Variants in EYA2 observed in about 807,000 individuals in gnomAD.
The protein encoded by EYA2 is protein phosphatase EYA2.
Under a neutral mutation model 69.2 loss-of-function variants are expected in EYA2, and 31 were observed. That is an observed-to-expected ratio of 0.45 (90% confidence interval 0.34 to 0.60). EYA2 has a LOEUF of 0.60. Among genes scored for constraint, EYA2 ranks in the 20% least tolerant of loss-of-function variants. The probability of loss-of-function intolerance (pLI) is 0.02; values close to 1 mark genes in which losing one functional copy is unlikely to be tolerated. For synonymous variants in EYA2, 257 were observed against 279.4 expected (o/e 0.92, Z 0.80); for missense variants, 622 against 701.2 (o/e 0.89, Z 1.28).
intron 1 of EYA2, among the ~76,000 whole-genome samples, chr20:46,945,921 A>C (rs1390053678): frequency 6.6e-6 from 1 of 152,214 alleles, no homozygotes; most frequent in African/African-American, 2.4e-5. Flanking sequence ...TGCAGAAGAC[A>C]CTGAGCTGTC....
rs147772519 is a variant in EYA2, at chr20:47,046,911, GA to G, written c.416-25273del. On this transcript the variant is annotated intron_variant, in intron 5 of 15. Coordinates refer to ENST00000327619, the MANE Select transcript of EYA2 (RefSeq NM_005244.5). ...CTTACCACTTAGCTGGGCAACCTTA[GA>G]CATGTTACTTAACTTCTTTAAGCTT... is the stretch of plus-strand genomic sequence containing the variant. 3.6e-3 allele frequency among the ~76,000 whole-genome samples: 546 copies of G among 152,280 alleles called. 6 individuals are homozygous for G. Among genetic ancestry groups the G allele is most frequent in the African/African-American group, 0.012 (511 of 41,556 alleles).
chr20:47,179,753 A>G, intron 12 of EYA2, 45 bp from the exon 13 acceptor site: 2 of 1,401,438 alleles, frequency 1.4e-6, no homozygotes, highest in Non-Finnish European at 2.0e-6. Context: ...CATCCCCCAG[A>G]TCTTTCTAAT....
rs538224560 is a variant in EYA2 at position 46,957,239 on chromosome 20, C to A, written c.-10-32762C>A. Among the ~76,000 whole-genome samples, 5 of 152,306 alleles carry A rather than the reference C, an allele frequency of 3.3e-5. No homozygotes were observed. In the South Asian group the frequency reaches 1.0e-3, roughly 32 times the overall value. ...CTCTTTACCCCTGCGGGTTACTGTACCCCTTCCTCCTTCTTTACTGCTTCT... is the reference window on the plus strand; with the variant it reads ...CTCTTTACCCCTGCGGGTTACTGTAACCCTTCCTCCTTCTTTACTGCTTCT... On this transcript the variant is annotated intron_variant, in intron 1 of 15. Coordinates refer to ENST00000327619, the MANE Select transcript of EYA2 (RefSeq NM_005244.5).
intron 1 of EYA2, among the ~76,000 whole-genome samples, chr20:46,912,355 C>T (rs1378918188): frequency 1.3e-5 from 2 of 152,156 alleles, no homozygotes; most frequent in African/African-American, 4.8e-5. Flanking sequence ...TCTTTTTGGC[C>T]TTCCCCTAGT....
In EYA2 at chr20:47,039,904, G is replaced by A. The variant is rs374069247; in HGVS notation, c.415+23607G>A. Among the ~76,000 whole-genome samples, 233 of 130,346 alleles carry A rather than the reference G, an allele frequency of 1.8e-3. 2 individuals are homozygous for A. Among genetic ancestry groups the A allele is most frequent in the African/African-American group, 6.4e-3 (223 of 34,736 alleles). The allele number at this position is 130,346 out of a possible 152,430, so 85.5% of individuals were successfully genotyped here. On this transcript the variant is annotated intron_variant, in intron 5 of 15. Coordinates refer to ENST00000327619, the MANE Select transcript of EYA2 (RefSeq NM_005244.5). ...CACCCAGGCTGGAGTGCAATGGTGC[G>A]ATCTCAGCTCACTGCAACCTCCGCC...
intron 9 of EYA2, among the ~76,000 whole-genome samples, chr20:47,127,408 A>T (rs142456889): frequency 1.3e-5 from 2 of 152,226 alleles, no homozygotes; most frequent in African/African-American, 4.8e-5. Context: ...GTTCGAGACC[A>T]GCCTGGCCAA....
At chr20:47,142,961 A>G (rs2033626749) in intron 9 of EYA2, 98 bp from the exon 10 acceptor site, 1 of 1,105,432 alleles carries the variant, frequency 9.0e-7, no homozygotes, top group African/African-American at 1.6e-5. Flanking sequence ...GATGAGGAAA[A>G]ACCAAAACTG....
chr20:47,035,579 C>T (rs1984656417), intron 5 of EYA2, among the ~76,000 whole-genome samples: 1 of 152,188 alleles, frequency 6.6e-6, no homozygotes, highest in Admixed American at 6.5e-5. Context: ...CTAATGGCAG[C>T]TTGGGACCCT....
At chr20:47,183,916 C>A (rs981785656) in intron 15 of EYA2, among the ~76,000 whole-genome samples, 3 of 152,112 alleles carry the variant, frequency 2.0e-5, no homozygotes, top group Non-Finnish European at 1.5e-5. Context: ...GAGGCTGCCA[C>A]CCCCAACCCG....
intron 1 of EYA2, among the ~76,000 whole-genome samples, chr20:46,972,398 G>A (rs1422524834): frequency 6.6e-6 from 1 of 152,194 alleles, no homozygotes; most frequent in African/African-American, 2.4e-5. Flanking sequence ...AAAATAATTA[G>A]GAAACATGGA....
At chr20:46,940,765 G>A (rs1986121677) in intron 1 of EYA2, among the ~76,000 whole-genome samples, 1 of 152,194 alleles carries the variant, frequency 6.6e-6, no homozygotes, top group South Asian at 2.1e-4. Context: ...TGGCATCGGG[G>A]GCTATGGCCA....
At chr20:46,904,505 A>G (rs1045611877) in intron 1 of EYA2, among the ~76,000 whole-genome samples, 2 of 152,112 alleles carry the variant, frequency 1.3e-5, no homozygotes, top group African/African-American at 2.4e-5. Flanking sequence ...CCCAGCCACA[A>G]TGGGGACATT....
At chr20:47,123,119 C>T (rs1394473457) in intron 9 of EYA2, among the ~76,000 whole-genome samples, 3 of 152,088 alleles carry the variant, frequency 2.0e-5, no homozygotes, top group Non-Finnish European at 4.4e-5. Context: ...TGGAGCTGTA[C>T]CTCCTATGTA....
intron 12 of EYA2, among the ~76,000 whole-genome samples, chr20:47,175,498 T>A (rs1568828251): frequency 6.6e-6 from 1 of 152,122 alleles, no homozygotes. Context: ...GGTAGATGGC[T>A]AATAGTGTCT....
intron 5 of EYA2, among the ~76,000 whole-genome samples, chr20:47,029,899 A>G (rs931920819): frequency 1.3e-5 from 2 of 152,264 alleles, no homozygotes; most frequent in Non-Finnish European, 2.9e-5. Flanking sequence ...TTCTGCTTGT[A>G]AAATGGACTG....
At chr20:47,075,841 C>G (rs946456330) in intron 7 of EYA2, among the ~76,000 whole-genome samples, 3 of 152,180 alleles carry the variant, frequency 2.0e-5, no homozygotes, top group African/African-American at 7.2e-5. Context: ...TTTTCCAGTC[C>G]TCACCTTCCT....
intron 1 of EYA2, among the ~76,000 whole-genome samples, chr20:46,958,611 C>G (rs548618638): frequency 6.6e-6 from 1 of 152,064 alleles, no homozygotes; most frequent in African/African-American, 2.4e-5. Context: ...GGCAAACTTG[C>G]GTCATGGAGG....
chr20:47,059,873 GTGTCTT>G (rs922619326), intron 5 of EYA2, among the ~76,000 whole-genome samples: 1 of 152,190 alleles, frequency 6.6e-6, no homozygotes, highest in African/African-American at 2.4e-5. Context: ...CTTCACATCT[GTGTCTT>G]TGCCACACTG....
At chr20:47,076,609 C>G (rs1417554580) in intron 7 of EYA2, among the ~76,000 whole-genome samples, 1 of 152,126 alleles carries the variant, frequency 6.6e-6, no homozygotes, top group Non-Finnish European at 1.5e-5. Context: ...TTTTGATTAG[C>G]CAAGATTTTT....
Sources: gnomAD v4.1 joint callset for allele counts (sites outside exome capture counted in the v4.1 genomes callset) on GRCh38, gnomAD v4.1.1 for gene constraint, MANE v1.5 for transcripts, NCBI Gene and HGNC (gene_info 2026-07-23, HGNC 2026-07-21) for gene names.